SLC23A1: variants seen among roughly 807,000 people sequenced by gnomAD.
SLC23A1 encodes Na(+)/L-ascorbic acid transporter 1.
Under a neutral mutation model 62.5 loss-of-function variants are expected in SLC23A1, and 31 were observed. The ratio of observed to expected loss-of-function variants is 0.50; its 90% CI spans 0.37 to 0.67. The LOEUF (loss-of-function observed/expected upper bound fraction) is 0.67. Ranked by LOEUF, SLC23A1 falls within the 30% of genes least tolerant of loss-of-function variation. The pLI is 0.00. For synonymous variants in SLC23A1, 271 were observed against 313.2 expected (o/e 0.87, Z 1.42); for missense variants, 640 against 782.7 (o/e 0.82, Z 2.18).
chr5:139,377,779 A>G (rs1301542022), intron 12 of SLC23A1, among the ~76,000 whole-genome samples, 196 bp downstream of exon 12: 1 of 152,220 alleles, frequency 6.6e-6, no homozygotes, highest in African/African-American at 2.4e-5. Flanking sequence ...TTAAATAAGC[A>G]CATGTAAAGG....
chr5:139,372,465 T>C lies in SLC23A1; in HGVS notation c.1550-212A>G, dbSNP rs150487830. On this transcript the variant is annotated intron_variant, in intron 13 of 14. Transcript: ENST00000348729. ...AGGATACTAGTTATAGTAGTATTTA[T>C]TGTGTAACTACAGTGTGCCAGGCTC... is the stretch of plus-strand genomic sequence containing the variant. Among the ~76,000 whole-genome samples, 8 of 152,358 alleles carry C rather than the reference T, an allele frequency of 5.3e-5. No individual in the cohort carries two copies. The East Asian group carries it at 1.5e-3, about 29-fold the overall frequency.
At chr5:139,384,327 C>T (rs1173694613), upstream of SLC23A1, 1 of 1,258,862 alleles carries the variant, frequency 7.9e-7, no homozygotes, top group Non-Finnish European at 1.0e-6. Context: ...CTCTGGGCTG[C>T]CCCAGCCCCA....
At chr5:139,384,591 T>A, upstream of SLC23A1, 1 of 1,272,490 alleles carries the variant, frequency 7.9e-7, no homozygotes, top group Non-Finnish European at 1.0e-6. Flanking sequence ...TCTCTCCAAC[T>A]TCTCCTCCCA....
upstream of SLC23A1, chr5:139,383,362 G>C (rs1758384902): frequency 6.5e-7 from 1 of 1,534,576 alleles, no homozygotes; most frequent in African/African-American, 1.4e-5. Flanking sequence ...AAGTAAATCT[G>C]TAACCAGATG....
intron 13 of SLC23A1, among the ~76,000 whole-genome samples, chr5:139,374,810 C>T (rs939506992): frequency 3.7e-4 from 56 of 152,276 alleles, no homozygotes; most frequent in Admixed American, 2.8e-3. Context: ...GAAGCCTCTT[C>T]ATGTACAGAT....
chr5:139,384,700 C>A, upstream of SLC23A1: 1 of 1,192,984 alleles, frequency 8.4e-7, no homozygotes, highest in African/African-American at 1.6e-5. Flanking sequence ...GCATAGAGAA[C>A]AAGGTGGAGA....
intron 14 of SLC23A1, among the ~76,000 whole-genome samples, chr5:139,371,736 G>T (rs1342390766): frequency 6.6e-6 from 1 of 152,212 alleles, no homozygotes; most frequent in Non-Finnish European, 1.5e-5. Flanking sequence ...AAGGCTAGAG[G>T]ATCTGCATTT....
rs182675547 is a variant in SLC23A1, at chr5:139,381,289, G to A, written c.309-403C>T. Among the ~76,000 whole-genome samples the A allele has an allele frequency of 8.5e-5, 13 of 152,340 alleles. No individual in the cohort carries two copies. In the South Asian group the frequency reaches 1.0e-3, roughly 12 times the overall value. On this transcript the variant is annotated intron_variant, in intron 3 of 14. Coordinates refer to ENST00000348729, the MANE Select transcript of SLC23A1 (RefSeq NM_005847.5). ...TGGGGCCCTGGGAGGGTGGGCTGTC[G>A]AAGAGGCTGGCACCAACCCTGGGAG...
At position 139,382,032 on chromosome 5, in the gene SLC23A1, G is replaced by A. The variant is rs1367819238; in HGVS notation, c.168C>T (p.Phe56=). The change falls in exon 3 of 15, where the codon TTC becomes TTT. Residue 56 remains phenylalanine, a synonymous_variant. Transcript: ENST00000348729. ...LLGFQHYLTC[F]SGTIAVPFLL... ...GGAAGGGCACGGCGATGGTACCACT[G>A]AAGCATGTCAGGTAGTGCTGGGCAG... The A allele has an allele frequency of 4.3e-6, 7 of 1,609,216 alleles. No individual in the cohort carries two copies. The African/African-American group carries it at 9.3e-5, about 21-fold the overall frequency.
chr5:139,375,661 C>G (rs1331092994), intron 13 of SLC23A1, among the ~76,000 whole-genome samples: 1 of 152,024 alleles, frequency 6.6e-6, no homozygotes, highest in Non-Finnish European at 1.5e-5. Context: ...ATAGTGAAAC[C>G]CTGTCTCTAC....
rs759994311 is a variant in SLC23A1 at position 139,378,191 on chromosome 5, C to T, written c.1309+31G>A. 5 of 1,612,948 alleles carry T rather than the reference C, an allele frequency of 3.1e-6. No homozygotes were observed. The highest frequency in any genetic ancestry group is 3.3e-5 in the Admixed American group (2 of 59,914). On this transcript the variant is annotated intron_variant, in intron 11 of 14. Transcript: ENST00000348729. This position sits in a 1 kb window ranked among gnomAD's most constrained non-coding sequence, Gnocchi z 4.5. Reference sequence around the variant, plus strand: ...GGTGAGTCCCACTCGGCGACCCGCACCGCGACCCGTGGCCCGCGCCAGACA... The same window carrying T: ...GGTGAGTCCCACTCGGCGACCCGCATCGCGACCCGTGGCCCGCGCCAGACA...
chr5:139,371,081 CA>C (rs375143825), intron 14 of SLC23A1, among the ~76,000 whole-genome samples: 1 of 149,518 alleles, frequency 6.7e-6, no homozygotes, highest in East Asian at 2.0e-4. Flanking sequence ...GACTCTGTCT[CA>C]AAAAAAAAGG....
At position 139,378,007 on chromosome 5, in the gene SLC23A1, TA is replaced by T; in HGVS notation, c.1420del (p.Tyr474ThrfsTer20). 1 of 1,613,874 alleles carries T rather than the reference TA, an allele frequency of 6.2e-7. No homozygotes were observed. The highest frequency in any genetic ancestry group is 8.5e-7 in the Non-Finnish European group (1 of 1,179,934). On this transcript the variant is annotated frameshift_variant, in exon 12 of 15. Transcript: ENST00000348729. LOFTEE classifies it high-confidence loss of function. The surrounding 1 kb of genome is among the most constrained non-coding windows in gnomAD (Gnocchi z 4.5). ...GATGGCGCCAGGGTTGGACTCCAGGTAATTGGGCAGCGTGAGCCCGAAGAAC... is the reference window on the plus strand; with the variant it reads ...GATGGCGCCAGGGTTGGACTCCAGGTATTGGGCAGCGTGAGCCCGAAGAAC... ...SMFFGLTLPN[Y>X]LESNPGAINT...
At chr5:139,384,642 G>A (rs1320807129), upstream of SLC23A1, 3 of 1,226,836 alleles carry the variant, frequency 2.4e-6, no homozygotes, top group South Asian at 2.8e-5. Context: ...CCGACCCCCT[G>A]CAGATACGGC....
Position 139,381,874 on chromosome 5 carries a change from G to C in SLC23A1, c.308+18C>G, listed in dbSNP as rs779661366. 1.4e-5 allele frequency: 21 copies of C among 1,547,426 alleles called. No homozygotes were observed. The highest frequency in any genetic ancestry group is 2.4e-5 in the East Asian group (1 of 41,020). On this transcript the variant is annotated intron_variant, in intron 3 of 14. Coordinates refer to ENST00000348729, the MANE Select transcript of SLC23A1 (RefSeq NM_005847.5). The stretch of plus-strand genomic sequence containing the variant: ...TGGAGGGGTGGCGGGGGACGGGTTG[G>C]GGGGCTGGGCGGCTCACCGGATGCC...
In SLC23A1 at chr5:139,379,763, G is replaced by A. The variant is rs772017415; in HGVS notation, c.840C>T (p.Asp280=). The A allele has an allele frequency of 7.4e-5, 120 of 1,613,968 alleles. No individual in the cohort carries two copies. The highest frequency in any genetic ancestry group is 9.5e-5 in the Non-Finnish European group (112 of 1,180,012). The change falls in exon 8 of 15, where the codon GAC becomes GAT. Residue 280 remains aspartate, a synonymous_variant. Transcript: ENST00000348729. This position sits in a 1 kb window ranked among gnomAD's most constrained non-coding sequence, Gnocchi z 4.7. ...VLTLTDVLPT[D]PKAYGFQART... ...GTGCCTGGAAGCCATAGGCTTTTGG[G>A]TCTGTGGGCAGCACGTCTGTCAAGG...
chr5:139,380,613 C>A lies in SLC23A1; in HGVS notation c.417G>T (p.Trp139Cys), dbSNP rs1338195165. ...CPPEEEIYGNWSLPLNTSHIW... is the reference protein window; with the variant it reads ...CPPEEEIYGNCSLPLNTSHIW... The stretch of plus-strand genomic sequence containing the variant: ...TATGAGAGGTGTTCAGGGGCAGACT[C>A]CAGTTACCGTAGATCTCCTCTGGGG... The change falls in exon 5 of 15, where the codon TGG becomes TGT. Residue 139 changes from tryptophan (W) to cysteine (C), a missense_variant. Trp to Cys is a radical substitution (Grantham distance 215). Transcript: ENST00000348729. 2.5e-6 allele frequency: 4 copies of A among 1,613,910 alleles called. No homozygotes were observed. The highest frequency in any genetic ancestry group is 3.4e-6 in the Non-Finnish European group (4 of 1,179,784).
At chr5:139,371,572 T>C (rs1055907610) in intron 14 of SLC23A1, among the ~76,000 whole-genome samples, 11 of 152,246 alleles carry the variant, frequency 7.2e-5, no homozygotes, top group African/African-American at 2.2e-4. Context: ...TGAGAGGATT[T>C]TTCCTGTTCT....
chr5:139,371,945 T>G, intron 14 of SLC23A1, 42 bp downstream of exon 14: 1 of 1,507,178 alleles, frequency 6.6e-7, no homozygotes, highest in Non-Finnish European at 9.1e-7. Context: ...AAGAATGTTT[T>G]GATTATTCAA....
Sources: gnomAD v4.1 joint callset for allele counts (sites outside exome capture counted in the v4.1 genomes callset) on GRCh38, gnomAD v4.1.1 for gene constraint, Gnocchi (gnomAD v3.1) non-coding constraint, MANE v1.5 for transcripts, NCBI Gene and HGNC (gene_info 2026-07-23, HGNC 2026-07-21) for gene names.